The following NEBL variants were observed in gnomAD, a reference collection of about 807,000 sequenced individuals.
NEBL encodes the protein nebulette.
Under a neutral mutation model 140.2 loss-of-function variants are expected in NEBL, and 122 were observed. The observed-to-expected ratio is 0.87, with a 90% confidence interval of 0.75 to 1.01. NEBL has a LOEUF of 1.01. Ranked by LOEUF, NEBL falls within the 50% of genes least tolerant of loss-of-function variation. NEBL has a pLI of 0.00. For synonymous variants in NEBL, 436 were observed against 398.9 expected (o/e 1.09, Z -1.11); for missense variants, 1,365 against 1,231.3 (o/e 1.11, Z -1.62).
At chr10:20,841,324 A>G (rs958297057) in intron 12 of NEBL, 35 of 169,474 alleles carry the variant, frequency 2.1e-4, no homozygotes, top group Admixed American at 2.0e-3. Context: ...CATTTGACTC[A>G]GGTCATTCCA....
upstream of NEBL, among the ~76,000 whole-genome samples, chr10:20,901,780 C>G (rs989768115): frequency 9.2e-5 from 14 of 152,072 alleles, no homozygotes; most frequent in Admixed American, 7.2e-4. Context: ...CCGGAAGGTT[C>G]CTGCTTCTCA....
chr10:21,099,363 T>C (rs1298343014), intron 2 of NEBL, among the ~76,000 whole-genome samples: 3 of 152,148 alleles, frequency 2.0e-5, no homozygotes, highest in Admixed American at 6.5e-5. Flanking sequence ...CGTCCTCCCC[T>C]GTCTGGTGCC....
At chr10:20,923,846 C>A (rs578254939) in intron 4 of NEBL, among the ~76,000 whole-genome samples, 1 of 152,060 alleles carries the variant, frequency 6.6e-6, no homozygotes, top group East Asian at 1.9e-4. Context: ...TGACTTAGAG[C>A]TCCTCATATC....
chr10:21,161,602 C>T (rs915469133), intron 2 of NEBL, among the ~76,000 whole-genome samples: 5 of 152,024 alleles, frequency 3.3e-5, no homozygotes, highest in Admixed American at 6.6e-5. Flanking sequence ...ATTAAGAATC[C>T]GCCCATAATT....
upstream of NEBL, chr10:20,899,328 G>T: frequency 8.9e-7 from 1 of 1,129,292 alleles, no homozygotes; most frequent in Non-Finnish European, 1.2e-6. Flanking sequence ...TATTTGAGGA[G>T]ACAGTACTGG....
intron 3 of NEBL, among the ~76,000 whole-genome samples, chr10:21,240,900 G>GCACACACA (rs1321897009): frequency 3.8e-5 from 4 of 104,124 alleles, no homozygotes; most frequent in Admixed American, 1.0e-4. Flanking sequence ...GGCAAAACAC[G>GCACACACA]CACACATACA....
At chr10:21,028,063 C>A (rs185102779) in intron 2 of NEBL, among the ~76,000 whole-genome samples, 1 of 151,330 alleles carries the variant, frequency 6.6e-6, no homozygotes, top group Non-Finnish European at 1.5e-5. Flanking sequence ...CCTGTCTCTA[C>A]TAAAAATACA....
At chr10:21,190,329 T>C (rs1157950988) in intron 3 of NEBL, among the ~76,000 whole-genome samples, 1 of 147,696 alleles carries the variant, frequency 6.8e-6, no homozygotes, top group Non-Finnish European at 1.5e-5. Context: ...AAAAAAAAAA[T>C]GTTTAATTAT....
chr10:21,158,886 A>G (rs1025393033), intron 2 of NEBL, among the ~76,000 whole-genome samples: 10 of 152,182 alleles, frequency 6.6e-5, no homozygotes, highest in Non-Finnish European at 1.2e-4. Flanking sequence ...TTATTATCAC[A>G]ATTATCCTCC....
rs1485096127 is a variant in NEBL, at chr10:21,011,083, C to T, written c.249+9034G>A. ...AAGTTCTTTTATTGCTACATTGAGA[C>T]ATTATTGCAGAACATTTTTGTACTA... On this transcript the variant is annotated intron_variant, in intron 3 of 6. Coordinates refer to the NEBL transcript ENST00000417816. Among the ~76,000 whole-genome samples the T allele has an allele frequency of 3.3e-5, 5 of 152,184 alleles. No individual in the cohort carries two copies. In the East Asian group the frequency reaches 9.7e-4, roughly 29 times the overall value.
chr10:20,818,075 G>A (rs12242158), intron 20 of NEBL, among the ~76,000 whole-genome samples: 2,110 of 152,206 alleles, frequency 0.014, 38 homozygotes, highest in African/African-American at 0.047. Context: ...TCTTCTGACC[G>A]TGGGGCTTCT....
rs1170730847 is a variant in NEBL at position 20,783,835 on chromosome 10, T to A, written c.*1912A>T. The A allele has an allele frequency of 6.6e-6, 1 of 152,608 alleles. No individual in the cohort carries two copies. The highest frequency in any genetic ancestry group is 2.4e-5 in the African/African-American group (1 of 41,450). 9.5% of individuals were successfully genotyped at this position (152,608 alleles called of 1,614,324 possible). A position where few individuals can be genotyped will look rare whatever the true frequency, so the allele number is the denominator to read the frequency against. ...AAAACAGATATGGGGTTTTATCACT[T>A]TAATCACGACTGGCCATTTCAGTGA... On this transcript the variant is annotated 3_prime_UTR_variant, in exon 28 of 28. Coordinates refer to ENST00000377122, the MANE Select transcript of NEBL (RefSeq NM_006393.3).
chr10:20,923,663 T>C (rs1429405278), intron 4 of NEBL, among the ~76,000 whole-genome samples: 1 of 8,342 alleles, frequency 1.2e-4, no homozygotes, highest in African/African-American at 5.1e-4. Context: ...CAAGACTCCG[T>C]CTCAAAAAAA....
chr10:21,221,353 T>C (rs1320621702), intron 3 of NEBL, among the ~76,000 whole-genome samples: 1 of 152,078 alleles, frequency 6.6e-6, no homozygotes, highest in Admixed American at 6.6e-5. Context: ...CTGACACAAA[T>C]GTGCGAGGCT....
In NEBL at chr10:20,939,812, T is replaced by C. The variant is rs1266001551; in HGVS notation, c.357+21860A>G. Among the ~76,000 whole-genome samples the C allele has an allele frequency of 4.6e-5, 7 of 152,116 alleles. 2 individuals are homozygous for C. Among genetic ancestry groups the C allele is most frequent in the African/African-American group, 1.4e-4 (6 of 41,484 alleles). ...AGTCTCTGATAAAGCAGACTTTAAA[T>C]GAACAAAGATCAAAAGAGACAAAGA... On this transcript the variant is annotated intron_variant, in intron 4 of 6. Coordinates refer to the NEBL transcript ENST00000417816.
At chr10:21,068,164 G>A (rs935807174) in intron 2 of NEBL, among the ~76,000 whole-genome samples, 5 of 152,164 alleles carry the variant, frequency 3.3e-5, no homozygotes, top group African/African-American at 9.7e-5. Context: ...TCTTTTTACA[G>A]ATATTAATTA....
chr10:21,123,437 AT>A (rs1215210057), intron 2 of NEBL, among the ~76,000 whole-genome samples: 1 of 152,190 alleles, frequency 6.6e-6, no homozygotes, highest in Admixed American at 6.5e-5. Context: ...GTTCTTTATC[AT>A]CAACTTTATT....
intron 2 of NEBL, among the ~76,000 whole-genome samples, chr10:21,046,560 G>T (rs1834522295): frequency 6.6e-6 from 1 of 152,118 alleles, no homozygotes; most frequent in South Asian, 2.1e-4. Context: ...AAAAAATTTG[G>T]ATTCTTTAGC....
At chr10:21,170,946 G>A (rs950919548) in intron 2 of NEBL, among the ~76,000 whole-genome samples, 2 of 152,180 alleles carry the variant, frequency 1.3e-5, no homozygotes, top group Non-Finnish European at 2.9e-5. Context: ...TAGGGAGGAT[G>A]AATCTCTGGC....
Sources: gnomAD v4.1 joint callset for allele counts (sites outside exome capture counted in the v4.1 genomes callset) on GRCh38, gnomAD v4.1.1 for gene constraint, MANE v1.5 for transcripts, NCBI Gene and HGNC (gene_info 2026-07-23, HGNC 2026-07-21) for gene names.